SPAG16: variants seen among roughly 807,000 people sequenced by gnomAD.
SPAG16 encodes the protein sperm-associated antigen 16 protein.
SPAG16 carries 86 observed loss-of-function variants against 80.4 expected under a neutral mutation model. The observed-to-expected ratio is 1.07, with a 90% CI of 0.90 to 1.28. SPAG16 has a LOEUF of 1.28. SPAG16 is among the 50% of genes most tolerant of loss of function. SPAG16 has a pLI of 0.00. For synonymous variants in SPAG16, 294 were observed against 265.9 expected, an observed-to-expected ratio of 1.11 and a Z score of -1.03; for missense variants, 870 against 765.3, an observed-to-expected ratio of 1.14 and a Z score of -1.61.
chr2:213,751,950 A>G (rs2068095103), intron 10 of SPAG16, among the ~76,000 whole-genome samples: 2 of 152,208 alleles, frequency 1.3e-5, no homozygotes, highest in South Asian at 4.1e-4. Context: ...AATTGGAAAC[A>G]ATTCATAACA....
chr2:214,393,650 A>G (rs547123239), intron 15 of SPAG16, among the ~76,000 whole-genome samples: 19 of 152,168 alleles, frequency 1.2e-4, no homozygotes, highest in African/African-American at 3.6e-4. Context: ...ACATGATCCT[A>G]TATCTCTTTT....
chr2:214,222,462 G>C (rs572175277), intron 15 of SPAG16, among the ~76,000 whole-genome samples: 1 of 152,282 alleles, frequency 6.6e-6, no homozygotes, highest in South Asian at 2.1e-4. Flanking sequence ...TTTGGAGCCA[G>C]AAATGAACCA....
intron 15 of SPAG16, among the ~76,000 whole-genome samples, chr2:214,335,469 AATAT>A (rs35837849): frequency 7.3e-5 from 11 of 149,936 alleles, no homozygotes; most frequent in Admixed American, 6.7e-5. Context: ...AACATGGAGG[AATAT>A]ATATATATAT....
chr2:213,600,073 A>G (rs1487697724), intron 10 of SPAG16, among the ~76,000 whole-genome samples: 1 of 152,196 alleles, frequency 6.6e-6, no homozygotes, highest in Non-Finnish European at 1.5e-5. Flanking sequence ...ATATTGTTCC[A>G]GGGTCAACTG....
intron 15 of SPAG16, among the ~76,000 whole-genome samples, chr2:214,263,555 T>C (rs1297644511): frequency 1.3e-5 from 2 of 152,204 alleles, no homozygotes; most frequent in Non-Finnish European, 2.9e-5. Context: ...TACTTCAAGG[T>C]CTCAGGTGTT....
chr2:213,948,076 T>C (rs1287303994), intron 12 of SPAG16, among the ~76,000 whole-genome samples: 1 of 152,134 alleles, frequency 6.6e-6, no homozygotes, highest in African/African-American at 2.4e-5. Context: ...TTTATTCCTG[T>C]TATTTACTCA....
At chr2:213,599,923 C>T (rs775970636) in intron 10 of SPAG16, among the ~76,000 whole-genome samples, 14 of 152,008 alleles carry the variant, frequency 9.2e-5, no homozygotes, top group African/African-American at 1.4e-4. Context: ...GCTGACCTCC[C>T]GATCCACCCG....
chr2:213,560,153 T>C (rs2059558909), intron 10 of SPAG16, among the ~76,000 whole-genome samples: 1 of 152,118 alleles, frequency 6.6e-6, no homozygotes, highest in Non-Finnish European at 1.5e-5. Flanking sequence ...CAATTTTTCT[T>C]TTATTAAGAA....
At chr2:213,702,569 C>T (rs1020427433) in intron 10 of SPAG16, among the ~76,000 whole-genome samples, 1 of 152,152 alleles carries the variant, frequency 6.6e-6, no homozygotes, top group Non-Finnish European at 1.5e-5. Context: ...ACCAAGAACC[C>T]ACCAGTTCCG....
intron 9 of SPAG16, among the ~76,000 whole-genome samples, chr2:213,464,257 T>G (rs1225049660): frequency 2.0e-5 from 3 of 152,196 alleles, no homozygotes; most frequent in Non-Finnish European, 4.4e-5. Context: ...TCTAAAACAG[T>G]AGTGCCATGG....
At chr2:214,126,247 G>A (rs1010584701) in intron 14 of SPAG16, among the ~76,000 whole-genome samples, 1 of 151,178 alleles carries the variant, frequency 6.6e-6, no homozygotes, top group Non-Finnish European at 1.5e-5. Flanking sequence ...TTCTTTGGGG[G>A]AGAGAAGTTT....
At chr2:213,991,775 G>A (rs916575238) in intron 12 of SPAG16, among the ~76,000 whole-genome samples, 2 of 152,154 alleles carry the variant, frequency 1.3e-5, no homozygotes, top group Admixed American at 6.5e-5. Flanking sequence ...GCAACACACT[G>A]AGCTGTAAGA....
intron 12 of SPAG16, among the ~76,000 whole-genome samples, chr2:213,971,557 T>A (rs1156269597): frequency 6.6e-6 from 1 of 152,186 alleles, no homozygotes; most frequent in Non-Finnish European, 1.5e-5. Context: ...TGGCATTAAT[T>A]ATATTCACAA....
At chr2:213,284,710 A>G in intron 1 of SPAG16, 91 bp downstream of exon 1, 2 of 1,474,796 alleles carry the variant, frequency 1.4e-6, no homozygotes, top group Non-Finnish European at 1.8e-6. Flanking sequence ...GCGCCTTTTG[A>G]GCCTTGGGGC....
At chr2:213,493,629 G>A (rs892890357) in intron 10 of SPAG16, among the ~76,000 whole-genome samples, 11 of 152,052 alleles carry the variant, frequency 7.2e-5, no homozygotes, top group Non-Finnish European at 1.3e-4. Context: ...AGACTGGAGC[G>A]CAGTGGTGTG....
chr2:213,387,746 G>A (rs1245473968), intron 9 of SPAG16, among the ~76,000 whole-genome samples: 5 of 151,832 alleles, frequency 3.3e-5, no homozygotes, highest in Admixed American at 1.3e-4. Flanking sequence ...GAGCCACCGC[G>A]CCCGGCCATG....
At chr2:213,768,265 GC>G (rs2069051476) in intron 10 of SPAG16, among the ~76,000 whole-genome samples, 1 of 152,156 alleles carries the variant, frequency 6.6e-6, no homozygotes, top group Non-Finnish European at 1.5e-5. Context: ...ATAAAGGCAG[GC>G]TTTCTAAGCT....
At chr2:213,610,314 G>T (rs1236577404) in intron 10 of SPAG16, among the ~76,000 whole-genome samples, 1 of 152,112 alleles carries the variant, frequency 6.6e-6, no homozygotes, top group African/African-American at 2.4e-5. Context: ...GCTTGATGTA[G>T]CCAGGTTTTC....
chr2:213,348,954 C>T (rs996865218), intron 6 of SPAG16, among the ~76,000 whole-genome samples: 6 of 152,022 alleles, frequency 3.9e-5, no homozygotes, highest in South Asian at 4.1e-4. Flanking sequence ...TAAAATAGAT[C>T]GTATACTGAG....
Sources: allele counts gnomAD v4.1 joint callset (sites outside exome capture counted in the v4.1 genomes callset), GRCh38; gene constraint gnomAD v4.1.1; transcripts MANE v1.5; gene names NCBI Gene and HGNC (gene_info 2026-07-23, HGNC 2026-07-21).